Variants in ETFBKMT observed in about 807,000 individuals in gnomAD.
ETFBKMT encodes the protein electron transfer flavoprotein beta subunit lysine methyltransferase.
In ETFBKMT, 13 loss-of-function variants were observed where a neutral mutation model predicts 18.3. The observed-to-expected ratio is 0.71, with a 90% CI of 0.46 to 1.13. The LOEUF (loss-of-function observed/expected upper bound fraction) is 1.13, where lower values mean the gene tolerates loss of function less well. Among genes scored for constraint, ETFBKMT ranks in the 50% most tolerant of loss-of-function variants. The pLI is 0.00. For missense variants in ETFBKMT, 293 were observed against 306.2 expected (o/e 0.96, Z 0.32); for synonymous variants, 84 against 107.9 (o/e 0.78, Z 1.37).
intron 1 of ETFBKMT, among the ~76,000 whole-genome samples, chr12:31,651,076 G>A (rs1479367072): frequency 6.6e-6 from 1 of 152,122 alleles, no homozygotes; most frequent in Non-Finnish European, 1.5e-5. Context: ...AACAACTTAA[G>A]TATGATAACA....
intron 1 of ETFBKMT, among the ~76,000 whole-genome samples, chr12:31,651,576 G>A (rs1427672515): frequency 6.6e-6 from 1 of 152,056 alleles, no homozygotes; most frequent in Non-Finnish European, 1.5e-5. Flanking sequence ...GTGTGATCTA[G>A]CCGCCTCCGC....
chr12:31,664,049 T>A (rs748979827), intron 2 of ETFBKMT, among the ~76,000 whole-genome samples: 23 of 151,296 alleles, frequency 1.5e-4, no homozygotes, highest in Non-Finnish European at 5.9e-5. Flanking sequence ...TTCTGCTATC[T>A]TGTATGCTTT....
At position 31,672,166 on chromosome 12, in the gene ETFBKMT, C is replaced by A; in HGVS notation, c.*4176C>A. ...TGTATATACCAAGACTTAGCTAATT[C>A]TCTGAGAGTTATAACTTAAGACAAT... On this transcript the variant is annotated 3_prime_UTR_variant, in exon 4 of 4. Transcript: ENST00000357721. The A allele has an allele frequency of 3.1e-6, 2 of 639,474 alleles. No individual in the cohort carries two copies. The highest frequency in any genetic ancestry group is 2.0e-5 in the South Asian group (1 of 49,434). The allele number at this position is 639,474 out of a possible 1,614,324, so 39.6% of individuals were successfully genotyped here.
chr12:31,663,974 A>G (rs957937323), intron 2 of ETFBKMT, among the ~76,000 whole-genome samples: 1 of 151,142 alleles, frequency 6.6e-6, no homozygotes, highest in African/African-American at 2.4e-5. Flanking sequence ...CTTATCTTGC[A>G]TGTTCTAACT....
chr12:31,658,019 T>C (rs910392117), upstream of ETFBKMT, among the ~76,000 whole-genome samples: 51 of 152,296 alleles, frequency 3.3e-4, no homozygotes, highest in African/African-American at 1.2e-3. Flanking sequence ...ATTAAATGCA[T>C]CTTCAGTGAT....
Position 31,669,790 on chromosome 12 carries a change from T to C in ETFBKMT, c.*1800T>C, listed in dbSNP as rs576649753. ...GGTTGCCACACCTGGTTAGATAACG[T>C]TTATGGACAGATTCCTAGAGCTTTT... On this transcript the variant is annotated 3_prime_UTR_variant, in exon 4 of 4. Coordinates refer to ENST00000357721, the MANE Select transcript of ETFBKMT (RefSeq NM_001135863.2). The C allele has an allele frequency of 6.6e-6, 1 of 152,282 alleles. No individual in the cohort carries two copies. The highest frequency in any genetic ancestry group is 1.5e-5 in the Non-Finnish European group (1 of 68,084). The allele number at this position is 152,282 out of a possible 1,614,324, so 9.4% of individuals were successfully genotyped here.
chr12:31,648,836 C>G (rs886141681), intron 1 of ETFBKMT, among the ~76,000 whole-genome samples: 1 of 152,154 alleles, frequency 6.6e-6, no homozygotes, highest in South Asian at 2.1e-4. Flanking sequence ...GCTGGGATTA[C>G]AGGCGTGAGC....
chr12:31,648,851 G>C (rs2222330), intron 1 of ETFBKMT, among the ~76,000 whole-genome samples: 1 of 152,104 alleles, frequency 6.6e-6, no homozygotes, highest in East Asian at 1.9e-4. Flanking sequence ...GTGAGCCACC[G>C]CGCCCAGCCC....
rs768310190 is a variant in ETFBKMT at position 31,662,210 on chromosome 12, G to C, written c.257G>C (p.Trp86Ser). The stretch of plus-strand genomic sequence containing the variant: ...TTCTGGTGGGAGAGAGCTGACCTGT[G>C]GCCCCACAGTGATCCTTACTGGGCA... ...CKFWWERADL[W>S]PHSDPYWAIY... The change falls in exon 2 of 4, where the codon TGG (tryptophan) becomes TCG (serine). Residue 86 changes from tryptophan (W) to serine (S), a missense_variant. Trp to Ser is a radical substitution (Grantham distance 177). Coordinates refer to ENST00000357721, the MANE Select transcript of ETFBKMT (RefSeq NM_001135863.2). The C allele has an allele frequency of 2.5e-6, 4 of 1,614,188 alleles. No homozygotes were observed. The highest frequency in any genetic ancestry group is 3.4e-6 in the Non-Finnish European group (4 of 1,180,032).
chr12:31,667,630 C>CTTT lies in ETFBKMT; in HGVS notation c.446-6_446-4dup. 14 of 1,377,934 alleles carry CTTT rather than the reference C, an allele frequency of 1.0e-5. No individual in the cohort carries two copies. Among genetic ancestry groups the CTTT allele is most frequent in the Admixed American group, 4.1e-5 (2 of 48,306 alleles). The allele number at this position is 1,377,934 out of a possible 1,614,324, so 85.4% of individuals were successfully genotyped here. On this transcript the variant is annotated splice_polypyrimidine_tract_variant and intron_variant, in intron 3 of 3. Transcript: ENST00000357721. ...CTAGCATATACCAATTCATTTTGTG[C>CTTT]TTTTTTTTTTTTTAAGTTGCAGGAA... is the stretch of plus-strand genomic sequence containing the variant.
At chr12:31,659,842 TTGC>T (rs1951096621) in intron 1 of ETFBKMT, 53 bp downstream of exon 1, 1 of 151,870 alleles carries the variant, frequency 6.6e-6, no homozygotes, top group African/African-American at 2.4e-5. Context: ...TTTGAATGAG[TTGC>T]TGATGTTTAC....
At position 31,667,783 on chromosome 12, in the gene ETFBKMT, C is replaced by G. The variant is rs773662236; in HGVS notation, c.582C>G (p.Asp194Glu). The change falls in exon 4 of 4, where the codon GAC becomes GAG. Residue 194 changes from aspartate (D) to glutamate (E), a missense_variant. Transcript: ENST00000357721. ...VVLGDMFYDE[D>E]LADSLHQWLK... ...TTGGCGATATGTTTTATGATGAAGA[C>G]CTTGCAGATAGTCTTCATCAGTGGC... 1 of 1,614,098 alleles carries G rather than the reference C, an allele frequency of 6.2e-7. No homozygotes were observed. Among genetic ancestry groups the G allele is most frequent in the Middle Eastern group, 1.6e-4 (1 of 6,062 alleles).
rs146207830 is a variant in ETFBKMT, at chr12:31,665,787, T to C, written c.315-300T>C. Among the ~76,000 whole-genome samples, 8 of 152,336 alleles carry C rather than the reference T, an allele frequency of 5.3e-5. 2 individuals are homozygous for C. The highest frequency in any genetic ancestry group is 1.9e-4 in the African/African-American group (8 of 41,554). ...GCTGAAATAAAGGGATGGGTTGGGT[T>C]AGTTATCTGCAGCAGGAGCATGTCC... is the stretch of plus-strand genomic sequence containing the variant. On this transcript the variant is annotated intron_variant, in intron 2 of 3. Coordinates refer to ENST00000357721, the MANE Select transcript of ETFBKMT (RefSeq NM_001135863.2).
At chr12:31,666,278 T>G in intron 3 of ETFBKMT, 61 bp downstream of exon 3, 1 of 1,524,938 alleles carries the variant, frequency 6.6e-7, no homozygotes, top group East Asian at 2.3e-5. Context: ...GGGATAAATA[T>G]GTACACATGC....
upstream of ETFBKMT, among the ~76,000 whole-genome samples, chr12:31,657,405 G>GA (rs1951071323): frequency 6.6e-6 from 1 of 152,102 alleles, no homozygotes; most frequent in Non-Finnish European, 1.5e-5. Flanking sequence ...ATATATCCCT[G>GA]TTTTTCATGC....
chr12:31,669,620 G>A lies in ETFBKMT; in HGVS notation c.*1630G>A, dbSNP rs979766266. On this transcript the variant is annotated 3_prime_UTR_variant, in exon 4 of 4. Coordinates refer to ENST00000357721, the MANE Select transcript of ETFBKMT (RefSeq NM_001135863.2). ...CTGAGAACCTGGTAGGTATCCTGGA[G>A]GTAAAACTATGAAAGTGTGGTGTCT... 1.3e-5 allele frequency: 2 copies of A among 152,218 alleles called. No individual in the cohort carries two copies. Among genetic ancestry groups the A allele is most frequent in the Non-Finnish European group, 2.9e-5 (2 of 68,052 alleles). The allele number at this position is 152,218 out of a possible 1,614,324, so 9.4% of individuals were successfully genotyped here. A position where few individuals can be genotyped will look rare whatever the true frequency, so the allele number is the denominator to read the frequency against.
At chr12:31,664,713 TTCAAACGATTCTCTGCC>T (rs1801014430) in intron 2 of ETFBKMT, among the ~76,000 whole-genome samples, 1 of 149,594 alleles carries the variant, frequency 6.7e-6, no homozygotes, top group African/African-American at 2.5e-5. Context: ...CCCTCCCGGG[TTCAAACGATTCTCTGCC>T]TCAGCCTCCC....
At chr12:31,660,635 A>C (rs1401826925) in intron 1 of ETFBKMT, among the ~76,000 whole-genome samples, 2 of 152,218 alleles carry the variant, frequency 1.3e-5, no homozygotes, top group Admixed American at 1.3e-4. Context: ...ATACTTTTAC[A>C]GAAAGAGATT....
At chr12:31,662,996 T>C (rs1741863927) in intron 2 of ETFBKMT, among the ~76,000 whole-genome samples, 1 of 152,038 alleles carries the variant, frequency 6.6e-6, no homozygotes. Context: ...GTGCCTGTAA[T>C]CCCAGTGCTT....
Sources: allele counts gnomAD v4.1 joint callset (sites outside exome capture counted in the v4.1 genomes callset), GRCh38; gene constraint gnomAD v4.1.1; transcripts MANE v1.5; gene names NCBI Gene and HGNC (gene_info 2026-07-23, HGNC 2026-07-21).